Variants in TMEM25 observed in about 807,000 individuals in gnomAD.
The protein encoded by TMEM25 is 0610039J01Rik.
TMEM25 carries 36 observed loss-of-function variants against 37.0 expected under a neutral mutation model. The ratio of observed to expected loss-of-function variants is 0.97; its 90% CI spans 0.75 to 1.28. The LOEUF (loss-of-function observed/expected upper bound fraction) is 1.28. Among genes scored for constraint, TMEM25 ranks in the 50% most tolerant of loss-of-function variants. The probability of loss-of-function intolerance (pLI) is 0.00; values close to 1 mark genes in which losing one functional copy is unlikely to be tolerated. For synonymous variants in TMEM25, 197 were observed against 203.7 expected (o/e 0.97, Z 0.28); for missense variants, 444 against 477.9 (o/e 0.93, Z 0.66).
rs1273430548 is a variant in TMEM25 at position 118,535,443 on chromosome 11, C to T, written c.*863C>T. 6 of 1,481,852 alleles carry T rather than the reference C, an allele frequency of 4.0e-6. No individual in the cohort carries two copies. The East Asian group carries it at 1.0e-4, about 25-fold the overall frequency. 91.8% of individuals were successfully genotyped at this position (1,481,852 alleles called of 1,614,324 possible). A position where few individuals can be genotyped will look rare whatever the true frequency, so the allele number is the denominator to read the frequency against. On this transcript the variant is annotated 3_prime_UTR_variant, in exon 9 of 9. Coordinates refer to ENST00000313236, the MANE Select transcript of TMEM25 (RefSeq NM_032780.4). ...CAGAGCCCTCTTTGTGGCTTCCCCA[C>T]GTTTGGCCTTCTGGGATTCACTGTG...
chr11:118,545,961 G>A lies in TMEM25; in HGVS notation c.1028-158G>A, dbSNP rs945424762. ...CTTCTAGCATAAGACACAGGTTATG[G>A]GCTGAAATGTGTTCCCCTAAAATTC... On this transcript the variant is annotated intron_variant, in intron 8 of 8. Coordinates refer to the TMEM25 transcript ENST00000354284. The A allele has an allele frequency of 5.5e-6, 5 of 906,994 alleles. No homozygotes were observed. In the African/African-American group the frequency reaches 8.2e-5, roughly 15 times the overall value. 56.2% of individuals were successfully genotyped at this position (906,994 alleles called of 1,614,324 possible).
In TMEM25 at chr11:118,532,943, G is replaced by A. The variant is rs1279023904; in HGVS notation, c.409G>A (p.Ala137Thr). ...CAAGCCAGAGATTGCCCAAGTCGGCGCCAAGTACCAGGAAGCTCAGGGCCC... is the reference window on the plus strand; with the variant it reads ...CAAGCCAGAGATTGCCCAAGTCGGCACCAAGTACCAGGAAGCTCAGGGCCC... ...QFKPEIAQVG[A>T]KYQEAQGPGL... Residue 137 changes from alanine to threonine, a missense_variant, in exon 4 of 9, where the codon GCC becomes ACC. Coordinates refer to ENST00000313236, the MANE Select transcript of TMEM25 (RefSeq NM_032780.4). 1.2e-5 allele frequency: 19 copies of A among 1,613,812 alleles called. No homozygotes were observed. The highest frequency in any genetic ancestry group is 1.7e-5 in the Admixed American group (1 of 59,986).
At chr11:118,546,473 G>T in exon 9 of TMEM25, 1 of 300,302 alleles carries the variant, frequency 3.3e-6, no homozygotes, top group African/African-American at 2.2e-5. Context: ...CCTGGGCATA[G>T]AGTAATACCC....
chr11:118,546,362 G>T, exon 9 of TMEM25: 1 of 546,590 alleles, frequency 1.8e-6, no homozygotes. Context: ...GTGGTGTTGA[G>T]TATCTGTAGT....
Position 118,534,634 on chromosome 11 carries a change from C to G in TMEM25, c.*54C>G. 6.3e-7 allele frequency: 1 copy of G among 1,599,856 alleles called. No individual in the cohort carries two copies. Among genetic ancestry groups the G allele is most frequent in the Admixed American group, 1.7e-5 (1 of 59,054 alleles). On this transcript the variant is annotated 3_prime_UTR_variant, in exon 9 of 9. Coordinates refer to ENST00000313236, the MANE Select transcript of TMEM25 (RefSeq NM_032780.4). The surrounding 1 kb of genome is among the most constrained non-coding windows in gnomAD (Gnocchi z 4.6). ...GGCCTCTGGACACCCTCCCGTTCCT[C>G]CAAGGCATCCTCTACCTAGCTAGGT...
At position 118,533,193 on chromosome 11, in the gene TMEM25, C is replaced by A; in HGVS notation, c.659C>A (p.Ser220Ter). Residue 220 changes from serine (S) to a stop codon, truncating the protein, a stop_gained, in exon 4 of 9, where the codon TCG becomes TAG. Coordinates refer to ENST00000313236, the MANE Select transcript of TMEM25 (RefSeq NM_032780.4). LOFTEE classifies it high-confidence loss of function. ...AATGACGTGGGTGTCACCAGTGCGT[C>A]GCTTCCAGCCCCAGGTGAGCATGGC... ...ATNDVGVTSA[S>*]LPAPGLLATR... is the part of the protein sequence containing the mutation. 1 of 1,597,124 alleles carries A rather than the reference C, an allele frequency of 6.3e-7. No individual in the cohort carries two copies. The highest frequency in any genetic ancestry group is 1.3e-5 in the African/African-American group (1 of 74,964).
chr11:118,535,724 A>G lies in TMEM25; in HGVS notation c.*1144A>G. On this transcript the variant is annotated 3_prime_UTR_variant, in exon 9 of 9. Coordinates refer to ENST00000313236, the MANE Select transcript of TMEM25 (RefSeq NM_032780.4). ...AAATGATTGGAAATTAATATAGTAC[A>G]GAATATATTTTTCCCTTGTTGAGAT... 1 of 1,395,726 alleles carries G rather than the reference A, an allele frequency of 7.2e-7. No individual in the cohort carries two copies. 86.5% of individuals were successfully genotyped at this position (1,395,726 alleles called of 1,614,324 possible).
intron 3 of TMEM25, 106 bp downstream of exon 3, chr11:118,532,567 T>A: frequency 7.8e-7 from 1 of 1,289,752 alleles, no homozygotes. Flanking sequence ...TTAAGCACTT[T>A]GCAAATATGA....
In TMEM25 at chr11:118,534,093, A is replaced by C. The variant is rs1555061615; in HGVS notation, c.901A>C (p.Asn301His). 6.2e-7 allele frequency: 1 copy of C among 1,614,104 alleles called. No homozygotes were observed. The highest frequency in any genetic ancestry group is 8.5e-7 in the Non-Finnish European group (1 of 1,180,004). ...ACGGGAGAACATGTCCCTCCCGTCC[A>C]ACCTTCAGCTCAATGACCTCACTCC... ...LPRENMSLPS[N>H]LQLNDLTPDS... is the part of the protein sequence containing the mutation. The change falls in exon 7 of 9, where the codon AAC becomes CAC. Residue 301 changes from asparagine to histidine, a missense_variant. Asn to His is a moderately conservative substitution (Grantham distance 68). Coordinates refer to ENST00000313236, the MANE Select transcript of TMEM25 (RefSeq NM_032780.4). This position sits in a 1 kb window ranked among gnomAD's most constrained non-coding sequence, Gnocchi z 4.6.
Position 118,532,447 on chromosome 11 carries a change from T to C in TMEM25, c.368T>C (p.Ile123Thr). The C allele has an allele frequency of 6.2e-7, 1 of 1,612,668 alleles. No individual in the cohort carries two copies. The highest frequency in any genetic ancestry group is 8.5e-7 in the Non-Finnish European group (1 of 1,179,026). The change falls in exon 3 of 9, where the codon ATC becomes ACC. Residue 123 changes from isoleucine (I) to threonine (T), a missense_variant. Transcript: ENST00000313236. ...RSGRSANASV[I>T]LNVQFKPEIA... ...GGCCGATCAGCCAACGCCTCTGTCATCCTTAATGTGCAATGTGAGTGGCCC... is the reference window on the plus strand; with the variant it reads ...GGCCGATCAGCCAACGCCTCTGTCACCCTTAATGTGCAATGTGAGTGGCCC...
rs782055189 is a variant in TMEM25, at chr11:118,531,785, C to T, written c.-17C>T. On this transcript the variant is annotated 5_prime_UTR_variant, in exon 2 of 9. Transcript: ENST00000313236. ...GCCCCCTTCTCTCAGCAGCCTAGGG[C>T]CTAGGCCCGGGCCACCATGGCGCTG... 221 of 1,549,134 alleles carry T rather than the reference C, an allele frequency of 1.4e-4. No homozygotes were observed. The highest frequency in any genetic ancestry group is 1.9e-4 in the Non-Finnish European group (218 of 1,146,520).
At position 118,532,336 on chromosome 11, in the gene TMEM25, C is replaced by T; in HGVS notation, c.257C>T (p.Ala86Val). The change falls in exon 3 of 9, where the codon GCC (alanine) becomes GTC (valine). Residue 86 changes from alanine to valine, a missense_variant. Transcript: ENST00000313236. ...TSRLLSVGGE[A>V]FSGGTSTFTV... ...AGACTGCTGAGCGTGGGAGGGGAGG[C>T]CTTCTCTGGAGGCACCAGCACCTTC... The T allele has an allele frequency of 6.2e-7, 1 of 1,614,214 alleles. No individual in the cohort carries two copies. The highest frequency in any genetic ancestry group is 8.5e-7 in the Non-Finnish European group (1 of 1,180,026).
chr11:118,537,122 C>T (rs1290688050), downstream of TMEM25, among the ~76,000 whole-genome samples: 1 of 152,108 alleles, frequency 6.6e-6, no homozygotes, highest in East Asian at 1.9e-4. Flanking sequence ...GGGTGGATTG[C>T]CTGAGCTCAG....
rs782276570 is a variant in TMEM25, at chr11:118,545,769, C to T, written c.1028-350C>T. 3.4e-5 allele frequency: 54 copies of T among 1,609,728 alleles called. No homozygotes were observed. In the Middle Eastern group the frequency reaches 1.2e-3, roughly 34 times the overall value. ...GAGTGTCTCTATCCAGAGATGGGGACGAGGAAAGGAAAGAGGAACTCACCA... is the reference window on the plus strand; with the variant it reads ...GAGTGTCTCTATCCAGAGATGGGGATGAGGAAAGGAAAGAGGAACTCACCA... On this transcript the variant is annotated intron_variant, in intron 8 of 8. Transcript: ENST00000354284.
rs139331936 is a variant in TMEM25 at position 118,534,773 on chromosome 11, G to A, written c.*193G>A. ...TGGGCTGTAACCCGCAGGGGCACAG[G>A]TATCTTTGGCAAGGCTACCAGTTGG... On this transcript the variant is annotated 3_prime_UTR_variant, in exon 9 of 9. Coordinates refer to ENST00000313236, the MANE Select transcript of TMEM25 (RefSeq NM_032780.4). The surrounding 1 kb of genome is among the most constrained non-coding windows in gnomAD (Gnocchi z 4.6). 1.9e-4 allele frequency: 271 copies of A among 1,416,426 alleles called. 1 individual carries two copies. In the African/African-American group the frequency reaches 3.5e-3, roughly 18 times the overall value. The allele number at this position is 1,416,426 out of a possible 1,614,324, so 87.7% of individuals were successfully genotyped here.
intron 1 of TMEM25, 155 bp from the exon 2 acceptor site, chr11:118,531,620 G>T: frequency 3.2e-6 from 2 of 625,606 alleles, no homozygotes; most frequent in Non-Finnish European, 5.5e-6. Flanking sequence ...GTGCCTTTGG[G>T]CTTTGCCGTT....
chr11:118,546,502 A>G (rs1035143898), downstream of TMEM25: 10 of 220,718 alleles, frequency 4.5e-5, no homozygotes, highest in Middle Eastern at 1.7e-3. Flanking sequence ...AAAAGGAAGG[A>G]AGGGAGGGAG....
At chr11:118,544,833 A>T in intron 8 of TMEM25, 3 of 972,136 alleles carry the variant, frequency 3.1e-6, no homozygotes, top group Non-Finnish European at 4.9e-6. Flanking sequence ...GGGCAAGGAC[A>T]TCAAGTAGCT....
downstream of TMEM25, among the ~76,000 whole-genome samples, chr11:118,539,810 C>T (rs557152224): frequency 6.6e-6 from 1 of 151,744 alleles, no homozygotes; most frequent in Admixed American, 6.6e-5. Flanking sequence ...CACTTGAGGC[C>T]AGGAGTTCGA....
Sources: gnomAD v4.1 joint callset for allele counts (sites outside exome capture counted in the v4.1 genomes callset) on GRCh38, gnomAD v4.1.1 for gene constraint, Gnocchi (gnomAD v3.1) non-coding constraint, MANE v1.5 for transcripts, NCBI Gene and HGNC (gene_info 2026-07-23, HGNC 2026-07-21) for gene names.